The following TBC1D19 variants were observed in gnomAD, a reference collection of about 807,000 sequenced individuals.
The protein encoded by TBC1D19 is TBC1 domain family member 19, also known as TBC1 domain family, member 19.
A neutral mutation model predicts 89.0 loss-of-function variants in TBC1D19; 60 were observed. The ratio of observed to expected loss-of-function variants is 0.67; its 90% CI spans 0.55 to 0.84. The LOEUF (loss-of-function observed/expected upper bound fraction) is 0.84. Ranked by LOEUF, TBC1D19 falls within the 40% of genes least tolerant of loss-of-function variation. TBC1D19 has a pLI of 0.00. For synonymous variants in TBC1D19, 189 were observed against 199.7 expected, an observed-to-expected ratio of 0.95 and a Z score of 0.45; for missense variants, 500 against 610.8, an observed-to-expected ratio of 0.82 and a Z score of 1.91.
chr4:26,820,349 A>G, the TBC1D19 span, among the ~76,000 whole-genome samples: 2 of 152,064 alleles, frequency 1.3e-5, no homozygotes, highest in East Asian at 1.9e-4. Context: ...GCCCACCCCT[A>G]TCCTCCAACC....
intron 18 of TBC1D19, among the ~76,000 whole-genome samples, chr4:26,747,522 A>C (rs1297000683): frequency 6.6e-6 from 1 of 152,202 alleles, no homozygotes; most frequent in Non-Finnish European, 1.5e-5. Flanking sequence ...GACACCAACC[A>C]AGGCAACCTC....
chr4:26,695,959 A>C (rs1489283545), intron 13 of TBC1D19, among the ~76,000 whole-genome samples: 1 of 152,212 alleles, frequency 6.6e-6, no homozygotes, highest in Admixed American at 6.5e-5. Flanking sequence ...ACTAGCGAAC[A>C]AAATAACCAG....
intron 4 of TBC1D19, among the ~76,000 whole-genome samples, chr4:26,630,809 C>T (rs999496674): frequency 6.6e-6 from 1 of 151,946 alleles, no homozygotes; most frequent in Non-Finnish European, 1.5e-5. Context: ...TTGTGCTTGG[C>T]ACATAGACAG....
chr4:26,656,911 T>C (rs1457158088), intron 7 of TBC1D19, among the ~76,000 whole-genome samples: 1 of 150,100 alleles, frequency 6.7e-6, no homozygotes, highest in Non-Finnish European at 1.5e-5. Flanking sequence ...GCTTTTCAAA[T>C]TTTTTTTTTC....
the TBC1D19 span, among the ~76,000 whole-genome samples, chr4:26,778,351 G>A: frequency 6.6e-6 from 1 of 151,692 alleles, no homozygotes; most frequent in African/African-American, 2.4e-5. Flanking sequence ...GGGAGGCAGA[G>A]CTTGCAGTGA....
chr4:26,729,469 G>T (rs892653501), intron 15 of TBC1D19, among the ~76,000 whole-genome samples: 2 of 152,228 alleles, frequency 1.3e-5, no homozygotes, highest in Non-Finnish European at 2.9e-5. Flanking sequence ...CATAGTGTTG[G>T]AAATATGAAC....
chr4:26,695,375 G>C (rs1490659233), intron 13 of TBC1D19, among the ~76,000 whole-genome samples: 1 of 152,192 alleles, frequency 6.6e-6, no homozygotes, highest in African/African-American at 2.4e-5. Flanking sequence ...GACCAAATCT[G>C]TGTCTGATTG....
chr4:26,735,390 T>G (rs995075091), intron 15 of TBC1D19, 65 bp from the exon 16 acceptor site: 1 of 1,351,372 alleles, frequency 7.4e-7, no homozygotes, highest in Non-Finnish European at 1.0e-6. Context: ...TTTTAATCTT[T>G]TAAAGCTTAC....
chr4:26,849,966 C>T, the TBC1D19 span, among the ~76,000 whole-genome samples: 20 of 152,200 alleles, frequency 1.3e-4, no homozygotes, highest in African/African-American at 4.6e-4. Flanking sequence ...TATTCTCTGC[C>T]ACTCTACCAT....
intron 4 of TBC1D19, among the ~76,000 whole-genome samples, chr4:26,628,590 A>G (rs1742587571): frequency 1.3e-5 from 2 of 152,096 alleles, no homozygotes; most frequent in Non-Finnish European, 2.9e-5. Flanking sequence ...CAGATGACAT[A>G]ATTGTATATC....
chr4:26,715,329 T>C (rs1716518645), intron 13 of TBC1D19, among the ~76,000 whole-genome samples: 1 of 152,036 alleles, frequency 6.6e-6, no homozygotes, highest in Non-Finnish European at 1.5e-5. Flanking sequence ...GACTGCTGTC[T>C]TTCTCCAAAA....
intron 11 of TBC1D19, among the ~76,000 whole-genome samples, chr4:26,681,562 A>T (rs1374219282): frequency 6.6e-6 from 1 of 152,012 alleles, no homozygotes; most frequent in African/African-American, 2.4e-5. Flanking sequence ...AAAAAAATAT[A>T]TATATATACA....
At chr4:26,645,045 G>A (rs1743820035) in intron 7 of TBC1D19, among the ~76,000 whole-genome samples, 1 of 152,048 alleles carries the variant, frequency 6.6e-6, no homozygotes, top group Admixed American at 6.6e-5. Context: ...CTCATGGATA[G>A]GAAGAATCAA....
chr4:26,705,930 C>G (rs1271821519), intron 13 of TBC1D19, among the ~76,000 whole-genome samples: 1 of 151,950 alleles, frequency 6.6e-6, no homozygotes, highest in East Asian at 1.9e-4. Flanking sequence ...CAGGATCTCC[C>G]TATGTTGCCC....
intron 13 of TBC1D19, among the ~76,000 whole-genome samples, chr4:26,696,818 A>C (rs1714831241): frequency 6.6e-6 from 1 of 152,200 alleles, no homozygotes; most frequent in Non-Finnish European, 1.5e-5. Context: ...AATGAGAACA[A>C]AGACACAACA....
intron 11 of TBC1D19, among the ~76,000 whole-genome samples, chr4:26,675,686 A>T (rs1712743907): frequency 6.6e-6 from 1 of 152,178 alleles, no homozygotes; most frequent in South Asian, 2.1e-4. Context: ...GGAATACCTT[A>T]TTAGAATTTT....
At chr4:26,763,807 A>G in the TBC1D19 span, among the ~76,000 whole-genome samples, 1 of 152,258 alleles carries the variant, frequency 6.6e-6, no homozygotes, top group South Asian at 2.1e-4. Flanking sequence ...TGACAGGGAA[A>G]AGACCACAGA....
intron 1 of TBC1D19, among the ~76,000 whole-genome samples, chr4:26,589,500 GT>G (rs1560399219): frequency 1.3e-5 from 2 of 152,118 alleles, no homozygotes; most frequent in Admixed American, 6.6e-5. Flanking sequence ...CTCACAGTAG[GT>G]GCAGGAGTCA....
intron 15 of TBC1D19, among the ~76,000 whole-genome samples, chr4:26,721,128 CT>C (rs1365316116): frequency 6.6e-6 from 1 of 151,854 alleles, no homozygotes; most frequent in African/African-American, 2.4e-5. Flanking sequence ...TATCTAGGGG[CT>C]GCCATTTGCT....
Sources: gnomAD v4.1 joint callset for allele counts (sites outside exome capture counted in the v4.1 genomes callset) on GRCh38, gnomAD v4.1.1 for gene constraint, MANE v1.5 for transcripts, NCBI Gene and HGNC (gene_info 2026-07-23, HGNC 2026-07-21) for gene names.